GBF1: variants seen among roughly 807,000 people sequenced by gnomAD.
GBF1 encodes the protein Golgi-specific brefeldin A-resistance guanine nucleotide exchange factor 1.
In GBF1, 114 loss-of-function variants were observed where a neutral mutation model predicts 210.5. The ratio of observed to expected loss-of-function variants is 0.54; its 90% CI spans 0.47 to 0.63. The LOEUF is 0.63. GBF1 is among the 30% of genes least tolerant of loss of function. GBF1 has a pLI of 0.00. For synonymous variants in GBF1, 850 were observed against 889.2 expected (o/e 0.96, Z 0.78); for missense variants, 1,851 against 2,357.7 (o/e 0.79, Z 4.45).
chr10:102,233,283 CTTTCT>C, the GBF1 span, among the ~76,000 whole-genome samples: 1 of 126,258 alleles, frequency 7.9e-6, no homozygotes. Flanking sequence ...TTTACGACTT[CTTTCT>C]TTTTTTTTTT....
At chr10:102,243,881 A>G (rs1350198734), upstream of GBF1, among the ~76,000 whole-genome samples, 1 of 152,018 alleles carries the variant, frequency 6.6e-6, no homozygotes, top group Non-Finnish European at 1.5e-5. Context: ...TGTAATCTCA[A>G]CACTTTGGGA....
intron 3 of GBF1, among the ~76,000 whole-genome samples, chr10:102,290,622 C>G (rs2076356527): frequency 6.6e-6 from 1 of 152,178 alleles, no homozygotes; most frequent in Admixed American, 6.5e-5. Flanking sequence ...CTCAGCCTCC[C>G]TGAGTAGCTG....
chr10:102,308,739 G>T (rs10748819), intron 3 of GBF1, among the ~76,000 whole-genome samples: 9 of 147,374 alleles, frequency 6.1e-5, no homozygotes, highest in South Asian at 2.2e-4. Context: ...GTAGGGGGAG[G>T]GGGGAGGGAT....
intron 3 of GBF1, among the ~76,000 whole-genome samples, chr10:102,336,183 C>A (rs1370857571): frequency 6.6e-6 from 1 of 151,730 alleles, no homozygotes; most frequent in Non-Finnish European, 1.5e-5. Context: ...TGCCTGTAGT[C>A]CCAGCTACTC....
At chr10:102,314,970 T>G (rs1185321920) in intron 3 of GBF1, among the ~76,000 whole-genome samples, 1 of 152,174 alleles carries the variant, frequency 6.6e-6, no homozygotes, top group Non-Finnish European at 1.5e-5. Context: ...TCCATCACCA[T>G]TGGCAGGCTG....
At chr10:102,268,512 G>A (rs1381556231) in intron 3 of GBF1, among the ~76,000 whole-genome samples, 1 of 152,102 alleles carries the variant, frequency 6.6e-6, no homozygotes. Context: ...GCTACCTCTT[G>A]AGGCCTGAAA....
chr10:102,340,351 C>T (rs976114411), intron 3 of GBF1, among the ~76,000 whole-genome samples: 2 of 149,350 alleles, frequency 1.3e-5, no homozygotes, highest in Non-Finnish European at 3.0e-5. Flanking sequence ...CCGCTCACTG[C>T]AAGCTCTGCC....
rs1234026048 is a variant in GBF1 at position 102,293,764 on chromosome 10, GTTTTGTGT to G, written c.163+33653_163+33660del. ...AAAATATTTTGTACAGCTGTAGTAT[GTTTTGTGT>G]TTTTTTTTTTTTTTTTTTTTTTTGA... On this transcript the variant is annotated intron_variant, in intron 3 of 39. Transcript: ENST00000369983. Among the ~76,000 whole-genome samples, 119 of 50,890 alleles carry G rather than the reference GTTTTGTGT, an allele frequency of 2.3e-3. 2 individuals are homozygous for G. Among genetic ancestry groups the G allele is most frequent in the Non-Finnish European group, 3.2e-3 (75 of 23,610 alleles). 33.4% of individuals were successfully genotyped at this position (50,890 alleles called of 152,430 possible).
At chr10:102,335,097 G>A (rs2057634380) in intron 3 of GBF1, among the ~76,000 whole-genome samples, 1 of 151,938 alleles carries the variant, frequency 6.6e-6, no homozygotes, top group African/African-American at 2.4e-5. Flanking sequence ...TGACTCATGA[G>A]CCTCTCCAGA....
At chr10:102,287,344 CTTTTTTTTTTTTTTTTT>C (rs763880492) in intron 3 of GBF1, among the ~76,000 whole-genome samples, 1 of 69,524 alleles carries the variant, frequency 1.4e-5, no homozygotes, top group Non-Finnish European at 2.5e-5. Context: ...ATTTTATTTT[CTTTTTTTTTTTTTTTTT>C]TTTTTTTTTT....
At chr10:102,369,082 C>T in intron 23 of GBF1, 129 bp from the exon 24 acceptor site, 1 of 731,536 alleles carries the variant, frequency 1.4e-6, no homozygotes, top group Admixed American at 2.4e-5. Flanking sequence ...CCCACTCCCA[C>T]CAGTATTATG....
intron 6 of GBF1, 130 bp from the exon 7 acceptor site, chr10:102,352,328 T>C (rs2059041738): frequency 7.1e-6 from 5 of 702,032 alleles, no homozygotes; most frequent in Non-Finnish European, 1.3e-5. Flanking sequence ...CAGGCTGAGC[T>C]GGAGCTGGTT....
chr10:102,231,912 A>C, the GBF1 span: 4 of 1,554,610 alleles, frequency 2.6e-6, no homozygotes, highest in Non-Finnish European at 3.5e-6. Context: ...TCCCACCCGC[A>C]CTGGGGATGA....
At chr10:102,368,112 G>A in intron 21 of GBF1, 106 bp from the exon 22 acceptor site, 4 of 746,406 alleles carry the variant, frequency 5.4e-6, no homozygotes, top group Non-Finnish European at 7.1e-6. Context: ...CAGTTCTGAT[G>A]ACCTCTCATC....
chr10:102,333,077 T>A (rs2057455531), intron 3 of GBF1, among the ~76,000 whole-genome samples: 1 of 152,160 alleles, frequency 6.6e-6, no homozygotes. Flanking sequence ...TAAATTACTA[T>A]CACCACCACC....
chr10:102,349,540 CA>C (rs905051648), intron 4 of GBF1, among the ~76,000 whole-genome samples: 2 of 152,112 alleles, frequency 1.3e-5, no homozygotes, highest in African/African-American at 4.8e-5. Context: ...TGTCTCAATT[CA>C]AAAGAAAGAG....
chr10:102,380,016 GCC>G (rs1272740857), intron 36 of GBF1, 62 bp downstream of exon 36: 1 of 1,174,340 alleles, frequency 8.5e-7, no homozygotes, highest in African/African-American at 1.5e-5. Context: ...GAGGAGGGAA[GCC>G]AGGGCTTCTG....
chr10:102,376,557 C>G lies in GBF1; in HGVS notation c.4048-3C>G. On this transcript the variant is annotated splice_polypyrimidine_tract_variant and splice_region_variant and intron_variant, in intron 31 of 39. Coordinates refer to ENST00000369983, the MANE Select transcript of GBF1 (RefSeq NM_001377137.1). ...GTCCCCAGCTCCTCTGTGTACTTTA[C>G]AGGTTGGGAAGGATGACGTTGATAA... The G allele has an allele frequency of 6.2e-7, 1 of 1,614,040 alleles. No individual in the cohort carries two copies. The highest frequency in any genetic ancestry group is 8.5e-7 in the Non-Finnish European group (1 of 1,179,948).
At chr10:102,377,254 C>T in intron 33 of GBF1, 114 bp downstream of exon 33, 2 of 723,760 alleles carry the variant, frequency 2.8e-6, no homozygotes, top group South Asian at 3.4e-5. Context: ...AGCCCAGGCC[C>T]TGGACCACCA....
Sources: gnomAD v4.1 joint callset for allele counts (sites outside exome capture counted in the v4.1 genomes callset) on GRCh38, gnomAD v4.1.1 for gene constraint, MANE v1.5 for transcripts, NCBI Gene and HGNC (gene_info 2026-07-23, HGNC 2026-07-21) for gene names.